The following ZRANB1 variants were observed in gnomAD, a reference collection of about 807,000 sequenced individuals.
ZRANB1 encodes ubiquitin thioesterase ZRANB1.
ZRANB1 carries 16 observed loss-of-function variants against 80.5 expected under a neutral mutation model. The ratio of observed to expected loss-of-function variants is 0.20; its 90% confidence interval spans 0.13 to 0.30. The LOEUF is 0.30. ZRANB1 is among the 10% of genes least tolerant of loss of function. The pLI is 1.00. For missense variants in ZRANB1, 576 were observed against 862.6 expected, an observed-to-expected ratio of 0.67 and a Z score of 4.16; for synonymous variants, 291 against 293.1, an observed-to-expected ratio of 0.99 and a Z score of 0.07.
At chr10:124,934,810 A>G in the ZRANB1 span, among the ~76,000 whole-genome samples, 177 of 152,330 alleles carry the variant, frequency 1.2e-3, no homozygotes, top group South Asian at 0.017. Flanking sequence ...GGGATTGTCT[A>G]AGATCCCCAA....
upstream of ZRANB1, among the ~76,000 whole-genome samples, chr10:124,940,029 T>C (rs984756124): frequency 1.1e-4 from 17 of 152,240 alleles, no homozygotes; most frequent in African/African-American, 4.1e-4. Flanking sequence ...ATTATTTTGC[T>C]TTTTCTACTT....
At chr10:124,935,540 T>C in the ZRANB1 span, among the ~76,000 whole-genome samples, 1 of 152,372 alleles carries the variant, frequency 6.6e-6, no homozygotes, top group East Asian at 1.9e-4. Context: ...TCCATTGCCT[T>C]CCACAAGGTT....
In ZRANB1 at chr10:124,985,901, C is replaced by T. The variant is rs957518769; in HGVS notation, c.*909C>T. 8.6e-6 allele frequency: 1 copy of T among 115,964 alleles called. No individual in the cohort carries two copies. The highest frequency in any genetic ancestry group is 8.8e-5 in the Admixed American group (1 of 11,304). 7.2% of individuals were successfully genotyped at this position (115,964 alleles called of 1,614,324 possible). On this transcript the variant is annotated 3_prime_UTR_variant, in exon 9 of 9. Transcript: ENST00000359653. ...CCAGAGGGTCTTCGGATTCTTCCTTCTATCACCTCTGCTCTAAGCAAATCT... is the reference window on the plus strand; with the variant it reads ...CCAGAGGGTCTTCGGATTCTTCCTTTTATCACCTCTGCTCTAAGCAAATCT...
chr10:124,964,263 G>A (rs1411561798), intron 1 of ZRANB1, among the ~76,000 whole-genome samples: 4 of 152,154 alleles, frequency 2.6e-5, no homozygotes, highest in Non-Finnish European at 5.9e-5. Flanking sequence ...TGATATTATT[G>A]TACATTATAG....
chr10:124,961,021 A>T (rs187701817), intron 1 of ZRANB1, among the ~76,000 whole-genome samples: 157 of 151,168 alleles, frequency 1.0e-3, no homozygotes, highest in Non-Finnish European at 2.0e-3. Context: ...TTTTTTTTAG[A>T]CAGAGTTTCG....
chr10:124,966,326 C>T (rs1951775412), intron 1 of ZRANB1, among the ~76,000 whole-genome samples: 1 of 151,898 alleles, frequency 6.6e-6, no homozygotes, highest in Non-Finnish European at 1.5e-5. Flanking sequence ...CCAATTCATG[C>T]AGCCTAATAG....
Position 124,983,893 on chromosome 10 carries a change from T to C in ZRANB1, c.1908+205T>C, listed in dbSNP as rs7901168. On this transcript the variant is annotated intron_variant, in intron 8 of 8. Transcript: ENST00000359653. The surrounding 1 kb of genome is among the most constrained non-coding windows in gnomAD (Gnocchi z 6.2). ...CACATCAAGGAACTTAAGGTGGTGA[T>C]GGGTTTTAAGAAGAAAAAGTAAAGA... Among the ~76,000 whole-genome samples, 119,541 of 151,648 alleles carry C rather than the reference T, an allele frequency of 0.79. 48,519 individuals are homozygous for C. The highest frequency in any genetic ancestry group is 0.95 in the East Asian group (4,909 of 5,168).
rs1174584669 is a variant in ZRANB1 at position 124,987,667 on chromosome 10, T to G, written c.*2675T>G. 1 of 152,110 alleles carries G rather than the reference T, an allele frequency of 6.6e-6. No homozygotes were observed. The highest frequency in any genetic ancestry group is 2.4e-5 in the African/African-American group (1 of 41,418). 9.4% of individuals were successfully genotyped at this position (152,110 alleles called of 1,614,324 possible). On this transcript the variant is annotated 3_prime_UTR_variant, in exon 9 of 9. Transcript: ENST00000359653. ...ATGTGAGCTTGTGTTAATAGACACTTTTATGGTAGAGTTGGGATGGGGCCA... is the reference window on the plus strand; with the variant it reads ...ATGTGAGCTTGTGTTAATAGACACTGTTATGGTAGAGTTGGGATGGGGCCA...
chr10:124,962,239 A>T (rs150832386), intron 1 of ZRANB1: 28 of 214,916 alleles, frequency 1.3e-4, no homozygotes, highest in African/African-American at 6.3e-4. Context: ...TGACCATGGT[A>T]AAGGACATTC....
the ZRANB1 span, among the ~76,000 whole-genome samples, chr10:124,929,625 A>G: frequency 6.6e-6 from 1 of 150,568 alleles, no homozygotes; most frequent in African/African-American, 2.4e-5. Context: ...AGTGTGAGCC[A>G]CCGCGCCTGG....
At chr10:124,966,527 T>G (rs1386437917) in intron 1 of ZRANB1, 67 bp from the exon 2 acceptor site, 10 of 1,497,354 alleles carry the variant, frequency 6.7e-6, no homozygotes, top group Non-Finnish European at 9.2e-6. Flanking sequence ...TTGGAGTGAT[T>G]GCTACGGTTT....
chr10:124,942,535 G>A lies in ZRANB1; in HGVS notation c.42G>A (p.Thr14=), dbSNP rs187980190. ...TTAAGTGGGCTTGTGAATATTGTAC[G>A]TATGAAAACTGGCCATCTGCAATCA... ...RGIKWACEYC[T]YENWPSAIKC... is the part of the protein sequence containing the mutation. The change falls in exon 1 of 9, where the codon ACG becomes ACA. Residue 14 remains threonine (T), a synonymous_variant. Coordinates refer to ENST00000359653, the MANE Select transcript of ZRANB1 (RefSeq NM_017580.3). 2.4e-4 allele frequency: 395 copies of A among 1,614,134 alleles called. 1 individual carries two copies. Among genetic ancestry groups the A allele is most frequent in the East Asian group, 4.0e-4 (18 of 44,872 alleles).
At chr10:124,918,332 A>G in the ZRANB1 span, among the ~76,000 whole-genome samples, 8 of 152,162 alleles carry the variant, frequency 5.3e-5, no homozygotes, top group Non-Finnish European at 5.9e-5. Flanking sequence ...TTGGGACTAC[A>G]GGCATGCGCC....
Position 124,943,058 on chromosome 10 carries a change from G to T in ZRANB1, c.565G>T (p.Glu189Ter). The change falls in exon 1 of 9, where the codon GAA becomes TAA. Residue 189 changes from glutamate to a stop codon, truncating the protein, a stop_gained. Transcript: ENST00000359653. LOFTEE classifies it high-confidence loss of function. Reference sequence around the variant, plus strand: ...TGAAGCAATAGAATTGGCAGAGACTGAAGAGGCTTCTTCAATAATAAATGA... The same window carrying T: ...TGAAGCAATAGAATTGGCAGAGACTTAAGAGGCTTCTTCAATAATAAATGA... ...NIEAIELAET[E>*]EASSIINEQD... The T allele has an allele frequency of 6.2e-7, 1 of 1,614,232 alleles. No individual in the cohort carries two copies.
At position 124,986,920 on chromosome 10, in the gene ZRANB1, A is replaced by T. The variant is rs1008506506; in HGVS notation, c.*1928A>T. 15 of 152,274 alleles carry T rather than the reference A, an allele frequency of 9.9e-5. No homozygotes were observed. Among genetic ancestry groups the T allele is most frequent in the African/African-American group, 2.9e-4 (12 of 41,400 alleles). The allele number at this position is 152,274 out of a possible 1,614,324, so 9.4% of individuals were successfully genotyped here. A position where few individuals can be genotyped will look rare whatever the true frequency, so the allele number is the denominator to read the frequency against. On this transcript the variant is annotated 3_prime_UTR_variant, in exon 9 of 9. Transcript: ENST00000359653. Reference sequence around the variant, plus strand: ...AGTACACGCTCAGCACTTAGCTTCTACTGTGTGTTGTGGTCTGGTGAGTGT... The same window carrying T: ...AGTACACGCTCAGCACTTAGCTTCTTCTGTGTGTTGTGGTCTGGTGAGTGT...
At chr10:124,955,996 G>A (rs1216473686) in intron 1 of ZRANB1, among the ~76,000 whole-genome samples, 3 of 152,270 alleles carry the variant, frequency 2.0e-5, no homozygotes, top group East Asian at 1.9e-4. Flanking sequence ...GAAATAAAGC[G>A]CCAGTATTCT....
chr10:124,948,958 C>T (rs1951607546), intron 1 of ZRANB1, among the ~76,000 whole-genome samples: 1 of 152,122 alleles, frequency 6.6e-6, no homozygotes, highest in Non-Finnish European at 1.5e-5. Flanking sequence ...TCCTAGCTCT[C>T]TATGTTTTTC....
chr10:124,955,393 G>T (rs1372517286), intron 1 of ZRANB1, among the ~76,000 whole-genome samples: 1 of 152,024 alleles, frequency 6.6e-6, no homozygotes, highest in Admixed American at 6.5e-5. Context: ...GAGCTACCAT[G>T]CCTGGACACA....
chr10:124,971,561 T>G (rs1951825769), intron 2 of ZRANB1, among the ~76,000 whole-genome samples: 1 of 152,170 alleles, frequency 6.6e-6, no homozygotes, highest in African/African-American at 2.4e-5. Context: ...GAGAAGAGTA[T>G]TTGCAGTTTC....
Sources: allele counts gnomAD v4.1 joint callset (sites outside exome capture counted in the v4.1 genomes callset), GRCh38; gene constraint gnomAD v4.1.1; non-coding constraint Gnocchi (gnomAD v3.1); transcripts MANE v1.5; gene names NCBI Gene and HGNC (gene_info 2026-07-23, HGNC 2026-07-21).